Variants in CPB2 observed in about 807,000 individuals in gnomAD.
The protein encoded by CPB2 is carboxypeptidase B-like protein.
A neutral mutation model predicts 57.0 loss-of-function variants in CPB2; 54 were observed. The ratio of observed to expected loss-of-function variants is 0.95; its 90% CI spans 0.76 to 1.19. The LOEUF (loss-of-function observed/expected upper bound fraction) is 1.19. Among genes scored for constraint, CPB2 ranks in the 50% most tolerant of loss-of-function variants. CPB2 has a pLI of 0.00. For missense variants in CPB2, 426 were observed against 512.0 expected, an observed-to-expected ratio of 0.83 and a Z score of 1.62; for synonymous variants, 189 against 178.1, an observed-to-expected ratio of 1.06 and a Z score of -0.49.
At chr13:46,065,398 G>A (rs537913051) in intron 7 of CPB2, among the ~76,000 whole-genome samples, 5 of 152,068 alleles carry the variant, frequency 3.3e-5, no homozygotes, top group African/African-American at 7.2e-5. Flanking sequence ...AGGCCGAGGC[G>A]GGCGGATCAC....
At chr13:46,065,626 C>CAAAAA (rs397851865) in intron 7 of CPB2, among the ~76,000 whole-genome samples, 1 of 62,010 alleles carries the variant, frequency 1.6e-5, no homozygotes, top group Non-Finnish European at 2.9e-5. Flanking sequence ...GACTCCGTCT[C>CAAAAA]AAAAAAAAAA....
At chr13:46,096,028 G>T (rs964438643) in intron 1 of CPB2, among the ~76,000 whole-genome samples, 1 of 151,502 alleles carries the variant, frequency 6.6e-6, no homozygotes, top group African/African-American at 2.4e-5. Context: ...TTACAGGCAC[G>T]CACCACCACA....
At chr13:46,091,003 CGTG>C (rs2045285679) in intron 1 of CPB2, among the ~76,000 whole-genome samples, 1 of 152,124 alleles carries the variant, frequency 6.6e-6, no homozygotes, top group African/African-American at 2.4e-5. Context: ...GGATTACAGG[CGTG>C]AGCCACCGTG....
At chr13:46,056,308 T>G (rs1281313804) in intron 9 of CPB2, among the ~76,000 whole-genome samples, 2 of 152,188 alleles carry the variant, frequency 1.3e-5, no homozygotes, top group Non-Finnish European at 2.9e-5. Context: ...TATTTTCTTC[T>G]TGTGTAAAAT....
At chr13:46,084,052 G>A (rs1301451792) in intron 3 of CPB2, among the ~76,000 whole-genome samples, 167 bp downstream of exon 3, 1 of 152,198 alleles carries the variant, frequency 6.6e-6, no homozygotes, top group African/African-American at 2.4e-5. Flanking sequence ...CAAGATCACA[G>A]AGCTGGACCT....
At chr13:46,089,413 G>A (rs865963308) in intron 1 of CPB2, among the ~76,000 whole-genome samples, 3 of 152,106 alleles carry the variant, frequency 2.0e-5, no homozygotes, top group Non-Finnish European at 4.4e-5. Flanking sequence ...CCTAAGAGTA[G>A]GTGTGTCTTC....
chr13:46,058,468 T>A, intron 8 of CPB2, 87 bp from the exon 9 acceptor site: 1 of 1,109,666 alleles, frequency 9.0e-7, no homozygotes, highest in South Asian at 1.4e-5. Context: ...TTCTCCTACC[T>A]ATGTTGCAAC....
intron 1 of CPB2, among the ~76,000 whole-genome samples, chr13:46,089,273 G>A (rs780822219): frequency 2.6e-5 from 4 of 151,980 alleles, no homozygotes; most frequent in African/African-American, 9.7e-5. Context: ...CAGAGAAAAT[G>A]TTGGTTCATC....
In CPB2 at chr13:46,104,995, G is replaced by A. The variant is rs755626420; in HGVS notation, c.15C>T (p.Ser5=). 2 of 1,613,954 alleles carry A rather than the reference G, an allele frequency of 1.2e-6. No individual in the cohort carries two copies. Among genetic ancestry groups the A allele is most frequent in the Non-Finnish European group, 1.7e-6 (2 of 1,179,884 alleles). ...GAACAATGGGTACAAGGACTGCAAG[G>A]CTGCAAAGCTTCATCCCAACAGCAA... MKLC[S]LAVLVPIVLF... The change falls in exon 1 of 11, where the codon AGC becomes AGT. Residue 5 remains serine, a synonymous_variant. Coordinates refer to ENST00000181383, the MANE Select transcript of CPB2 (RefSeq NM_001872.5).
At chr13:46,104,392 T>C (rs1177113442) in intron 1 of CPB2, among the ~76,000 whole-genome samples, 2 of 152,268 alleles carry the variant, frequency 1.3e-5, no homozygotes, top group Non-Finnish European at 2.9e-5. Context: ...TGTGTTCTTC[T>C]AGATAGTTTA....
At chr13:46,104,805 G>T in intron 1 of CPB2, 131 bp downstream of exon 1, 2 of 983,046 alleles carry the variant, frequency 2.0e-6, no homozygotes, top group Non-Finnish European at 3.0e-6. Context: ...AGGGCAACTT[G>T]GAAAGTTCTG....
Position 46,105,005 on chromosome 13 carries a change from T to C in CPB2, c.5A>G (p.Lys2Arg), listed in dbSNP as rs2045476732. The C allele has an allele frequency of 6.2e-7, 1 of 1,613,772 alleles. No individual in the cohort carries two copies. The highest frequency in any genetic ancestry group is 1.3e-5 in the African/African-American group (1 of 74,906). M[K>R]LCSLAVLVPI... ...TACAAGGACTGCAAGGCTGCAAAGC[T>C]TCATCCCAACAGCAATTTTCTGTAC... The change falls in exon 1 of 11, where the codon AAG becomes AGG. Residue 2 changes from lysine to arginine, a missense_variant. By Grantham distance (26) the Lys-to-Arg change is conservative. Transcript: ENST00000181383.
chr13:46,079,535 CAAAAAAA>C (rs58164990), intron 4 of CPB2, among the ~76,000 whole-genome samples: 314 of 110,988 alleles, frequency 2.8e-3, no homozygotes, highest in Non-Finnish European at 4.7e-3. Context: ...AAGGAAAAAG[CAAAAAAA>C]AAAAAAAAAA....
intron 5 of CPB2, among the ~76,000 whole-genome samples, chr13:46,077,778 G>T (rs779763321): frequency 2.2e-4 from 33 of 152,086 alleles, no homozygotes; most frequent in Non-Finnish European, 4.3e-4. Flanking sequence ...TATTACTCAG[G>T]CATTAAAAGG....
At position 46,064,744 on chromosome 13, in the gene CPB2, A is replaced by G; in HGVS notation, c.703-3T>C. 6.2e-7 allele frequency: 1 copy of G among 1,613,272 alleles called. No individual in the cohort carries two copies. The highest frequency in any genetic ancestry group is 8.5e-7 in the Non-Finnish European group (1 of 1,179,258). ...CGGTTCTTTCTCCACATTCGATTCT[A>G]CATAAACAAAATACAAACAGACAAC... On this transcript the variant is annotated splice_region_variant and splice_polypyrimidine_tract_variant and intron_variant, in intron 7 of 10. Transcript: ENST00000181383.
At chr13:46,097,512 A>T (rs2045382426) in intron 1 of CPB2, 1 of 152,232 alleles carries the variant, frequency 6.6e-6, no homozygotes. Flanking sequence ...TTGACCACTG[A>T]TAAAACATCT....
intron 4 of CPB2, among the ~76,000 whole-genome samples, chr13:46,079,992 T>G (rs2045087546): frequency 6.6e-6 from 1 of 152,206 alleles, no homozygotes; most frequent in Non-Finnish European, 1.5e-5. Flanking sequence ...CCTGTGTTAC[T>G]CTTCTAGGCA....
chr13:46,103,996 A>G (rs973452567), intron 1 of CPB2, among the ~76,000 whole-genome samples: 1 of 152,256 alleles, frequency 6.6e-6, no homozygotes, highest in African/African-American at 2.4e-5. Flanking sequence ...AAGAAGATCA[A>G]TCAACTATAA....
Position 46,086,757 on chromosome 13 carries a change from G to A in CPB2, c.150+988C>T, listed in dbSNP as rs191947508. On this transcript the variant is annotated intron_variant, in intron 2 of 10. Transcript: ENST00000181383. ...GCACCCAGGATTTTCCAGCTGAGGG[G>A]GCCTGCAGGCCAGTGCCGAGAAGCC... 2.9e-3 allele frequency among the ~76,000 whole-genome samples: 437 copies of A among 152,302 alleles called. 3 individuals are homozygous for A. Among genetic ancestry groups the A allele is most frequent in the Admixed American group, 4.2e-3 (64 of 15,306 alleles).
Sources: gnomAD v4.1 joint callset for allele counts (sites outside exome capture counted in the v4.1 genomes callset) on GRCh38, gnomAD v4.1.1 for gene constraint, MANE v1.5 for transcripts, NCBI Gene and HGNC (gene_info 2026-07-23, HGNC 2026-07-21) for gene names.